The following RORB variants were observed in gnomAD, a reference collection of about 807,000 sequenced individuals.
The protein encoded by RORB is nuclear receptor ROR-beta.
In RORB, 6 loss-of-function variants were observed where a neutral mutation model predicts 59.1. The observed-to-expected ratio is 0.10, with a 90% CI of 0.06 to 0.20. The LOEUF (loss-of-function observed/expected upper bound fraction) is 0.20, where lower values mean the gene tolerates loss of function less well. Ranked by LOEUF, RORB falls within the 10% of genes least tolerant of loss-of-function variation. RORB has a pLI of 1.00. For synonymous variants in RORB, 215 were observed against 204.5 expected (o/e 1.05, Z -0.44); for missense variants, 320 against 560.5 (o/e 0.57, Z 4.33).
intron 1 of RORB, among the ~76,000 whole-genome samples, chr9:74,513,672 G>A (rs949969462): frequency 6.6e-6 from 1 of 152,012 alleles, no homozygotes; most frequent in Non-Finnish European, 1.5e-5. Flanking sequence ...AAAATCATGT[G>A]CAGGAAGTGA....
intron 3 of RORB, 60 bp from the exon 4 acceptor site, chr9:74,642,354 G>C: frequency 6.6e-7 from 1 of 1,513,896 alleles, no homozygotes; most frequent in Non-Finnish European, 8.9e-7. Flanking sequence ...CGTTGTACCT[G>C]AGGTGGTTAA....
At chr9:74,605,274 C>T (rs1263797610) in intron 1 of RORB, among the ~76,000 whole-genome samples, 3 of 152,106 alleles carry the variant, frequency 2.0e-5, no homozygotes, top group African/African-American at 4.8e-5. Flanking sequence ...AATTCTCATT[C>T]GGAAACAGAT....
At position 74,551,290 on chromosome 9, in the gene RORB, T is replaced by C. The variant is rs758768551; in HGVS notation, c.7+53307T>C. 5.9e-5 allele frequency among the ~76,000 whole-genome samples: 9 copies of C among 152,306 alleles called. No homozygotes were observed. The South Asian group carries it at 1.0e-3, about 18-fold the overall frequency. ...CTTTTACCCTTTTCACTTAAAGCACTTTATGGCTTCTTTTGGCATATGTAA... is the reference window on the plus strand; with the variant it reads ...CTTTTACCCTTTTCACTTAAAGCACCTTATGGCTTCTTTTGGCATATGTAA... On this transcript the variant is annotated intron_variant, in intron 1 of 9. Coordinates refer to ENST00000376896, the MANE Select transcript of RORB (RefSeq NM_006914.4).
At chr9:74,521,689 A>G (rs1826087778) in intron 1 of RORB, among the ~76,000 whole-genome samples, 1 of 151,792 alleles carries the variant, frequency 6.6e-6, no homozygotes, top group South Asian at 2.1e-4. Context: ...TAAGAGAGCC[A>G]GGCTTCTACA....
rs372256495 is a variant in RORB at position 74,653,759 on chromosome 9, G to T, written c.638-6858G>T. ...TCTAATGAAACTACCCGTGCAATCCGTGTCTGAGACATTGTAGCCTTTGGA... is the reference window on the plus strand; with the variant it reads ...TCTAATGAAACTACCCGTGCAATCCTTGTCTGAGACATTGTAGCCTTTGGA... On this transcript the variant is annotated intron_variant, in intron 4 of 9. Coordinates refer to ENST00000376896, the MANE Select transcript of RORB (RefSeq NM_006914.4). Among the ~76,000 whole-genome samples, 22 of 152,024 alleles carry T rather than the reference G, an allele frequency of 1.4e-4. No individual in the cohort carries two copies. The South Asian group carries it at 4.2e-3, about 29-fold the overall frequency.
At chr9:74,679,101 G>A (rs898599966) in intron 9 of RORB, among the ~76,000 whole-genome samples, 27 of 151,702 alleles carry the variant, frequency 1.8e-4, no homozygotes, top group Admixed American at 1.3e-4. Flanking sequence ...CAAAAACTGG[G>A]TGTTATATTA....
At chr9:74,550,533 T>C (rs961309231) in intron 1 of RORB, among the ~76,000 whole-genome samples, 1 of 152,234 alleles carries the variant, frequency 6.6e-6, no homozygotes, top group African/African-American at 2.4e-5. Flanking sequence ...AGAGAAGTAG[T>C]TTTTATTTCT....
At chr9:74,564,953 T>G (rs1822447516) in intron 1 of RORB, among the ~76,000 whole-genome samples, 1 of 152,216 alleles carries the variant, frequency 6.6e-6, no homozygotes, top group East Asian at 1.9e-4. Context: ...TGCTTACAAC[T>G]TCTCAGCATG....
Position 74,660,751 on chromosome 9 carries a change from A to G in RORB, c.759+13A>G. 1.2e-6 allele frequency: 2 copies of G among 1,606,598 alleles called. No homozygotes were observed. The highest frequency in any genetic ancestry group is 1.7e-6 in the Non-Finnish European group (2 of 1,177,736). On this transcript the variant is annotated intron_variant, in intron 5 of 9. Coordinates refer to ENST00000376896, the MANE Select transcript of RORB (RefSeq NM_006914.4). Reference sequence around the variant, plus strand: ...ATATCAAAGCAAGGTACTCTGGGAAACCATGAGAAAGTTTTTCTGTGATTA... The same window carrying G: ...ATATCAAAGCAAGGTACTCTGGGAAGCCATGAGAAAGTTTTTCTGTGATTA...
intron 7 of RORB, 121 bp from the exon 8 acceptor site, chr9:74,667,670 T>C (rs1443897277): frequency 1.0e-5 from 6 of 588,012 alleles, no homozygotes; most frequent in East Asian, 5.7e-5. Flanking sequence ...CTTAAAAAAA[T>C]ATCTTTTCTA....
At chr9:74,584,535 G>A (rs1041452731) in intron 1 of RORB, among the ~76,000 whole-genome samples, 1 of 152,180 alleles carries the variant, frequency 6.6e-6, no homozygotes, top group Non-Finnish European at 1.5e-5. Flanking sequence ...AGTGTGGTAT[G>A]CTTGGTTCTA....
At chr9:74,632,475 C>T (rs1241165857) in intron 2 of RORB, among the ~76,000 whole-genome samples, 1 of 152,160 alleles carries the variant, frequency 6.6e-6, no homozygotes, top group East Asian at 1.9e-4. Context: ...ATACTGTTTT[C>T]AAGTCAACAT....
In RORB at chr9:74,688,137, T is replaced by A. The variant is rs746063402; in HGVS notation, c.*2519T>A. The stretch of plus-strand genomic sequence containing the variant: ...TGGGAGGTACTGCTTTGAATTTGTG[T>A]TGTTTCCACTAGCGTTAAGCATTTC... On this transcript the variant is annotated 3_prime_UTR_variant, in exon 10 of 10. Transcript: ENST00000376896. 3 of 152,224 alleles carry A rather than the reference T, an allele frequency of 2.0e-5. No homozygotes were observed. Among genetic ancestry groups the A allele is most frequent in the Non-Finnish European group, 4.4e-5 (3 of 68,046 alleles). The allele number at this position is 152,224 out of a possible 1,614,324, so 9.4% of individuals were successfully genotyped here.
chr9:74,611,414 TGATTAAATAA>T (rs1563952323), intron 1 of RORB, among the ~76,000 whole-genome samples: 3 of 152,216 alleles, frequency 2.0e-5, no homozygotes, highest in African/African-American at 7.2e-5. Flanking sequence ...GAACCAACTA[TGATTAAATAA>T]AGAACAAAAA....
At chr9:74,554,190 AAAAGT>A (rs1826655495) in intron 1 of RORB, among the ~76,000 whole-genome samples, 1 of 152,136 alleles carries the variant, frequency 6.6e-6, no homozygotes, top group African/African-American at 2.4e-5. Context: ...TGAGAACCAG[AAAAGT>A]AAAGTGATTT....
At chr9:74,546,669 G>A (rs887283626) in intron 1 of RORB, among the ~76,000 whole-genome samples, 7 of 152,182 alleles carry the variant, frequency 4.6e-5, no homozygotes, top group African/African-American at 1.7e-4. Flanking sequence ...GGTAGGTCTA[G>A]ACACCGTTGT....
intron 3 of RORB, 139 bp from the exon 4 acceptor site, chr9:74,642,275 A>T: frequency 1.2e-6 from 1 of 831,296 alleles, no homozygotes; most frequent in Non-Finnish European, 1.9e-6. Context: ...AGTGCAAATG[A>T]ATGGGTTCTT....
intron 1 of RORB, among the ~76,000 whole-genome samples, chr9:74,627,891 T>C (rs1181202077): frequency 6.6e-6 from 1 of 152,184 alleles, no homozygotes; most frequent in East Asian, 1.9e-4. Context: ...ATAATGTGGC[T>C]TGTCATATTT....
At chr9:74,514,077 A>G (rs557419136) in intron 1 of RORB, among the ~76,000 whole-genome samples, 13 of 152,256 alleles carry the variant, frequency 8.5e-5, no homozygotes, top group African/African-American at 2.9e-4. Context: ...ACCCAGAATG[A>G]TAATTCATTC....
Sources: allele counts gnomAD v4.1 joint callset (sites outside exome capture counted in the v4.1 genomes callset), GRCh38; gene constraint gnomAD v4.1.1; transcripts MANE v1.5; gene names NCBI Gene and HGNC (gene_info 2026-07-23, HGNC 2026-07-21).